The following LGMN variants were observed in gnomAD, a reference collection of about 807,000 sequenced individuals.
LGMN encodes asparaginyl endopeptidase.
Under a neutral mutation model 56.8 loss-of-function variants are expected in LGMN, and 36 were observed. The ratio of observed to expected loss-of-function variants is 0.63; its 90% CI spans 0.49 to 0.84. The LOEUF (loss-of-function observed/expected upper bound fraction) is 0.84. Among genes scored for constraint, LGMN ranks in the 40% least tolerant of loss-of-function variants. LGMN has a pLI of 0.00. For synonymous variants in LGMN, 199 were observed against 210.1 expected, an observed-to-expected ratio of 0.95 and a Z score of 0.46; for missense variants, 446 against 556.1, an observed-to-expected ratio of 0.80 and a Z score of 1.99.
chr14:92,717,489 GA>G (rs770992096), intron 3 of LGMN, 28 bp from the exon 4 acceptor site: 26 of 1,516,544 alleles, frequency 1.7e-5, no homozygotes, highest in Non-Finnish European at 2.2e-5. Flanking sequence ...CAATTTAAAC[GA>G]GATGTGGCAT....
rs1889436285 is a variant in LGMN, at chr14:92,706,517, A to G, written c.1157T>C (p.Phe386Ser). ...HSCYPEALLH[F>S]RTHCFNWHSP... Reference sequence around the variant, plus strand: ...GTGCCAGTTGAAGCAGTGGGTCCGGAAGTGCAGCAGGGCCTCTGGGTAGCA... The same window carrying G: ...GTGCCAGTTGAAGCAGTGGGTCCGGGAGTGCAGCAGGGCCTCTGGGTAGCA... The change falls in exon 12 of 14, where the codon TTC (phenylalanine) becomes TCC (serine). Residue 386 changes from phenylalanine (F) to serine (S), a missense_variant. By Grantham distance (155) the Phe-to-Ser change is radical. Coordinates refer to ENST00000334869, the MANE Select transcript of LGMN (RefSeq NM_005606.7). The G allele has an allele frequency of 1.3e-6, 2 of 1,582,092 alleles. No homozygotes were observed. Among genetic ancestry groups the G allele is most frequent in the Non-Finnish European group, 8.7e-7 (1 of 1,155,662 alleles).
rs1200211407 is a variant in LGMN, at chr14:92,714,438, G to A, written c.418C>T (p.His140Tyr). The A allele has an allele frequency of 6.2e-7, 1 of 1,608,778 alleles. No homozygotes were observed. Among genetic ancestry groups the A allele is most frequent in the Non-Finnish European group, 8.5e-7 (1 of 1,175,746 alleles). ...GKVLKSGPQD[H>Y]VFIYFTDHGS... ...TGGTCAGTGAAGTAAATGAACACGT[G>A]ATCCTGGGGGCCACTGCCAAGAAGG... is the stretch of plus-strand genomic sequence containing the variant. Residue 140 changes from histidine to tyrosine, a missense_variant, in exon 6 of 14, where the codon CAC becomes TAC. Coordinates refer to ENST00000334869, the MANE Select transcript of LGMN (RefSeq NM_005606.7). This position sits in a 1 kb window ranked among gnomAD's most constrained non-coding sequence, Gnocchi z 5.1.
intron 4 of LGMN, 93 bp from the exon 5 acceptor site, chr14:92,716,314 A>C: frequency 2.3e-6 from 2 of 887,506 alleles, no homozygotes; most frequent in Non-Finnish European, 1.9e-6. Context: ...ACCAGCCTGC[A>C]CATTCCAAGG....
chr14:92,722,658 A>T (rs1260868419), intron 2 of LGMN, among the ~76,000 whole-genome samples: 1 of 152,224 alleles, frequency 6.6e-6, no homozygotes, highest in East Asian at 1.9e-4. Flanking sequence ...CAAAGACATT[A>T]TTAAAAAAAT....
chr14:92,714,579 G>A lies in LGMN; in HGVS notation c.405-128C>T. Reference sequence around the variant, plus strand: ...GAGTTGCCCAACCAGGTTTGAAGATGAACACAAGGGCCCGGTGCCCGGTGT... The same window carrying A: ...GAGTTGCCCAACCAGGTTTGAAGATAAACACAAGGGCCCGGTGCCCGGTGT... On this transcript the variant is annotated intron_variant, in intron 5 of 13. Coordinates refer to ENST00000334869, the MANE Select transcript of LGMN (RefSeq NM_005606.7). The surrounding 1 kb of genome is among the most constrained non-coding windows in gnomAD (Gnocchi z 5.1). The A allele has an allele frequency of 3.0e-6, 2 of 656,410 alleles. No homozygotes were observed. Among genetic ancestry groups the A allele is most frequent in the Non-Finnish European group, 5.3e-6 (2 of 376,458 alleles). 40.7% of individuals were successfully genotyped at this position (656,410 alleles called of 1,614,324 possible). A position where few individuals can be genotyped will look rare whatever the true frequency, so the allele number is the denominator to read the frequency against.
At chr14:92,704,431 C>T in intron 13 of LGMN, 70 bp from the exon 14 acceptor site, 1 of 1,323,100 alleles carries the variant, frequency 7.6e-7, no homozygotes, top group Non-Finnish European at 1.1e-6. Context: ...AACGCAAACC[C>T]ACATGCGGCA....
intron 13 of LGMN, 78 bp from the exon 14 acceptor site, chr14:92,704,439 G>A (rs1354973602): frequency 1.3e-5 from 16 of 1,256,552 alleles, no homozygotes; most frequent in South Asian, 3.8e-5. Context: ...CCCACATGCG[G>A]CAGGCAGGCA....
chr14:92,710,501 C>T (rs894064673), intron 10 of LGMN, among the ~76,000 whole-genome samples: 14 of 152,172 alleles, frequency 9.2e-5, no homozygotes, highest in Admixed American at 3.9e-4. Flanking sequence ...CGGCCAGGCT[C>T]GATTTGGCTG....
Position 92,706,465 on chromosome 14 carries a change from G to A in LGMN, c.1191+18C>T, listed in dbSNP as rs749176058. 2.0e-6 allele frequency: 3 copies of A among 1,501,094 alleles called. No individual in the cohort carries two copies. In the Admixed American group the frequency reaches 6.0e-5, roughly 30 times the overall value. The allele number at this position is 1,501,094 out of a possible 1,614,324, so 93.0% of individuals were successfully genotyped here. A position where few individuals can be genotyped will look rare whatever the true frequency, so the allele number is the denominator to read the frequency against. ...TCAGCTTCTGGATTCTGGTCATGGG[G>A]AGAGCCTGCTGGCTCACCGTGGGGG... On this transcript the variant is annotated intron_variant, in intron 12 of 13. Transcript: ENST00000334869.
At chr14:92,718,965 T>G (rs1434557790) in intron 2 of LGMN, 121 bp from the exon 3 acceptor site, 3 of 620,116 alleles carry the variant, frequency 4.8e-6, no homozygotes, top group Non-Finnish European at 8.9e-6. Flanking sequence ...CGGTCAGGCA[T>G]TTAAATTATT....
rs1234963931 is a variant in LGMN at position 92,704,188 on chromosome 14, G to A, written c.*131C>T. On this transcript the variant is annotated 3_prime_UTR_variant, in exon 14 of 14. Coordinates refer to ENST00000334869, the MANE Select transcript of LGMN (RefSeq NM_005606.7). ...GTCATCTTGTGAAGAAGGTCCTGGA[G>A]CGAGCCCTGGAGCGGGGGCTCCCCA... is the stretch of plus-strand genomic sequence containing the variant. 2 of 1,114,618 alleles carry A rather than the reference G, an allele frequency of 1.8e-6. No individual in the cohort carries two copies. Among genetic ancestry groups the A allele is most frequent in the Middle Eastern group, 2.0e-4 (1 of 5,108 alleles). The allele number at this position is 1,114,618 out of a possible 1,614,324, so 69.0% of individuals were successfully genotyped here.
chr14:92,730,955 T>C (rs1891021326), intron 2 of LGMN, among the ~76,000 whole-genome samples: 1 of 151,626 alleles, frequency 6.6e-6, no homozygotes, highest in African/African-American at 2.4e-5. Flanking sequence ...AAAAAGAAGT[T>C]ATTAAAATTA....
intron 12 of LGMN, 112 bp from the exon 13 acceptor site, chr14:92,704,819 T>C: frequency 1.2e-6 from 1 of 838,608 alleles, no homozygotes. Context: ...TGCCCTATTT[T>C]GGTTCATGGA....
chr14:92,718,585 T>TA (rs543289758), intron 3 of LGMN, among the ~76,000 whole-genome samples, 162 bp downstream of exon 3: 2,516 of 136,654 alleles, frequency 0.018, 65 homozygotes, highest in African/African-American at 0.059. Flanking sequence ...TAAATAATAA[T>TA]AAAAAAAAAA....
chr14:92,743,859 CAG>C (rs1177201068), intron 1 of LGMN, among the ~76,000 whole-genome samples: 1 of 150,968 alleles, frequency 6.6e-6, no homozygotes, highest in African/African-American at 2.4e-5. Flanking sequence ...GATCTTAACT[CAG>C]ATGAAAAATC....
intron 11 of LGMN, among the ~76,000 whole-genome samples, chr14:92,708,881 A>AAAAAAAAAAAAAC (rs1889587964): frequency 4.8e-5 from 7 of 146,400 alleles, no homozygotes; most frequent in Non-Finnish European, 7.5e-5. Flanking sequence ...AAAAAAAAAA[A>AAAAAAAAAAAAAC]TCTTGCCTAG....
intron 2 of LGMN, among the ~76,000 whole-genome samples, chr14:92,723,017 C>T (rs1890558251): frequency 6.6e-6 from 1 of 152,032 alleles, no homozygotes; most frequent in African/African-American, 2.4e-5. Context: ...AAGAGTCAAA[C>T]ATAAATTTAC....
At chr14:92,722,247 T>C (rs149252086) in intron 2 of LGMN, among the ~76,000 whole-genome samples, 2 of 152,212 alleles carry the variant, frequency 1.3e-5, no homozygotes, top group African/African-American at 2.4e-5. Flanking sequence ...ACACATGTTA[T>C]ACAGACATTA....
At chr14:92,729,465 A>ATGCCCCC (rs1288490820) in intron 2 of LGMN, among the ~76,000 whole-genome samples, 1 of 18,110 alleles carries the variant, frequency 5.5e-5, no homozygotes, top group East Asian at 3.5e-3. Flanking sequence ...ACCTCAGATC[A>ATGCCCCC]CGCCCCCCCC....
Sources: gnomAD v4.1 joint callset for allele counts (sites outside exome capture counted in the v4.1 genomes callset) on GRCh38, gnomAD v4.1.1 for gene constraint, Gnocchi (gnomAD v3.1) non-coding constraint, MANE v1.5 for transcripts, NCBI Gene and HGNC (gene_info 2026-07-23, HGNC 2026-07-21) for gene names.